The following ASB1 variants were observed in gnomAD, a reference collection of about 807,000 sequenced individuals.
The protein encoded by ASB1 is ankyrin repeat and SOCS box protein 1.
In ASB1, 18 loss-of-function variants were observed where a neutral mutation model predicts 27.7. The observed-to-expected ratio is 0.65, with a 90% CI of 0.45 to 0.96. The LOEUF (loss-of-function observed/expected upper bound fraction) is 0.96. Ranked by LOEUF, ASB1 falls within the 50% of genes least tolerant of loss-of-function variation. The pLI, the probability that ASB1 is intolerant of heterozygous loss-of-function variation, is 0.00. For synonymous variants in ASB1, 189 were observed against 187.6 expected (o/e 1.01, Z -0.06); for missense variants, 397 against 451.7 (o/e 0.88, Z 1.10).
In ASB1 at chr2:238,444,230, C is replaced by T. The variant is rs143703483; in HGVS notation, c.495-112C>T. 2.6e-5 allele frequency: 32 copies of T among 1,223,910 alleles called. No homozygotes were observed. The Middle Eastern group carries it at 1.0e-3, about 40-fold the overall frequency. 75.8% of individuals were successfully genotyped at this position (1,223,910 alleles called of 1,614,324 possible). A position where few individuals can be genotyped will look rare whatever the true frequency, so the allele number is the denominator to read the frequency against. ...TGGAGTCTCCTACAGCGCCTGGTGT[C>T]ACTGAATCAAGGCCTTCTGCTCAGG... On this transcript the variant is annotated intron_variant, in intron 3 of 4. Coordinates refer to ENST00000264607, the MANE Select transcript of ASB1 (RefSeq NM_001040445.3).
chr2:238,438,491 C>T (rs1353734505), intron 3 of ASB1, among the ~76,000 whole-genome samples: 5 of 152,098 alleles, frequency 3.3e-5, no homozygotes, highest in African/African-American at 4.8e-5. Context: ...TGAGCCACCG[C>T]GCCCGGCCAC....
intron 4 of ASB1, among the ~76,000 whole-genome samples, chr2:238,446,120 A>T (rs1313796757): frequency 6.6e-6 from 1 of 152,254 alleles, no homozygotes; most frequent in African/African-American, 2.4e-5. Flanking sequence ...GTTGTGATCC[A>T]GGGAGCAGAT....
In ASB1 at chr2:238,448,860, G is replaced by A. The variant is rs1239460332; in HGVS notation, c.*2349G>A. On this transcript the variant is annotated 3_prime_UTR_variant, in exon 5 of 5. Transcript: ENST00000264607. ...GCCCCTGGTCTCTCTAGGAGGAGTGGACTGAATGGATCGTTGCAGAGAAGA... is the reference window on the plus strand; with the variant it reads ...GCCCCTGGTCTCTCTAGGAGGAGTGAACTGAATGGATCGTTGCAGAGAAGA... The A allele has an allele frequency of 1.3e-5, 2 of 152,394 alleles. No individual in the cohort carries two copies. Among genetic ancestry groups the A allele is most frequent in the African/African-American group, 4.8e-5 (2 of 41,460 alleles). The allele number at this position is 152,394 out of a possible 1,614,324, so 9.4% of individuals were successfully genotyped here. A position where few individuals can be genotyped will look rare whatever the true frequency, so the allele number is the denominator to read the frequency against.
chr2:238,427,937 A>G (rs1214438665), intron 1 of ASB1, among the ~76,000 whole-genome samples: 2 of 152,212 alleles, frequency 1.3e-5, no homozygotes, highest in African/African-American at 4.8e-5. Context: ...CATTTCTTAA[A>G]CATCTTAAAA....
intron 4 of ASB1, among the ~76,000 whole-genome samples, 174 bp downstream of exon 4, chr2:238,444,901 A>ATATCAGG: frequency 6.6e-6 from 1 of 152,174 alleles, no homozygotes; most frequent in Non-Finnish European, 1.5e-5. Context: ...TAAATTCCTG[A>ATATCAGG]ATACCAAGAA....
In ASB1 at chr2:238,433,502, T is replaced by G. The variant is rs1559412672; in HGVS notation, c.50-52T>G. The stretch of plus-strand genomic sequence containing the variant: ...GCTGCAGATGGCACCCCCTTTTGGT[T>G]AGTCTTGGCAGGGCCTCCATGAGCT... On this transcript the variant is annotated intron_variant, in intron 1 of 4. Transcript: ENST00000264607. 4 of 1,595,036 alleles carry G rather than the reference T, an allele frequency of 2.5e-6. No individual in the cohort carries two copies. The Admixed American group carries it at 5.1e-5, about 20-fold the overall frequency.
At chr2:238,442,162 C>A (rs1222470069) in intron 3 of ASB1, among the ~76,000 whole-genome samples, 1 of 149,950 alleles carries the variant, frequency 6.7e-6, no homozygotes, top group African/African-American at 2.5e-5. Context: ...CGCTCTGTTG[C>A]CCAGGCTGGA....
At chr2:238,428,437 C>T (rs2106400759) in intron 1 of ASB1, among the ~76,000 whole-genome samples, 1 of 152,268 alleles carries the variant, frequency 6.6e-6, no homozygotes, top group South Asian at 2.1e-4. Flanking sequence ...ATTACAGGTG[C>T]TGGCATCATG....
At position 238,446,813 on chromosome 2, in the gene ASB1, C is replaced by T. The variant is rs472357; in HGVS notation, c.*302C>T. ...ACATGTAGGGGCTGAGGTTGGAGGC[C>T]TACTAATTTCCCTGTAGGGAAGACT... On this transcript the variant is annotated 3_prime_UTR_variant, in exon 5 of 5. Coordinates refer to ENST00000264607, the MANE Select transcript of ASB1 (RefSeq NM_001040445.3). 142,571 of 292,746 alleles carry T rather than the reference C, an allele frequency of 0.49. 38,815 individuals are homozygous for T. Among genetic ancestry groups the T allele is most frequent in the Middle Eastern group, 0.67 (655 of 984 alleles). The allele number at this position is 292,746 out of a possible 1,614,324, so 18.1% of individuals were successfully genotyped here. A position where few individuals can be genotyped will look rare whatever the true frequency, so the allele number is the denominator to read the frequency against.
chr2:238,444,566 T>C lies in ASB1; in HGVS notation c.719T>C (p.Met240Thr), dbSNP rs1322181418. The C allele has an allele frequency of 1.9e-6, 3 of 1,614,198 alleles. No individual in the cohort carries two copies. Among genetic ancestry groups the C allele is most frequent in the Non-Finnish European group, 2.5e-6 (3 of 1,180,042 alleles). The change falls in exon 4 of 5, where the codon ATG (methionine) becomes ACG (threonine). Residue 240 changes from methionine to threonine, a missense_variant. By Grantham distance (81) the Met-to-Thr change is moderately conservative. Transcript: ENST00000264607. ...GFYRGSPGCV[M>T]DAVLRHGCEA... ...TACAGGGGCTCCCCTGGGTGCGTCA[T>C]GGATGCTGTTCTGCGCCACGGCTGT...
chr2:238,446,351 C>T, intron 4 of ASB1, 33 bp from the exon 5 acceptor site: 1 of 1,558,914 alleles, frequency 6.4e-7, no homozygotes, highest in Non-Finnish European at 8.7e-7. Flanking sequence ...ATGAACCTTC[C>T]TCTATCCCTC....
chr2:238,441,022 T>C (rs1702068821), intron 3 of ASB1, among the ~76,000 whole-genome samples: 1 of 152,234 alleles, frequency 6.6e-6, no homozygotes, highest in African/African-American at 2.4e-5. Context: ...TGGTCTGTGC[T>C]AATCATGGGA....
intron 2 of ASB1, among the ~76,000 whole-genome samples, chr2:238,435,010 C>T: frequency 6.6e-6 from 1 of 152,134 alleles, no homozygotes; most frequent in African/African-American, 2.4e-5. Flanking sequence ...GTTTGGTGCT[C>T]TGGGCCTCTG....
intron 1 of ASB1, among the ~76,000 whole-genome samples, chr2:238,428,289 A>G (rs938545330): frequency 1.3e-5 from 2 of 152,226 alleles, no homozygotes; most frequent in Non-Finnish European, 2.9e-5. Flanking sequence ...TGTCGGCTGC[A>G]CAGGTCTCCT....
intron 3 of ASB1, among the ~76,000 whole-genome samples, chr2:238,437,882 A>G (rs1702002712): frequency 6.6e-6 from 1 of 152,186 alleles, no homozygotes; most frequent in Admixed American, 6.5e-5. Flanking sequence ...TTATAAATTA[A>G]ATAGCTACAC....
intron 1 of ASB1, 76 bp from the exon 2 acceptor site, chr2:238,433,478 C>T: frequency 1.9e-6 from 3 of 1,555,472 alleles, no homozygotes; most frequent in Non-Finnish European, 2.6e-6. Flanking sequence ...GGAAGGCTCG[C>T]TGCAGATGGC....
chr2:238,441,896 G>C (rs1258428155), intron 3 of ASB1, among the ~76,000 whole-genome samples: 1 of 152,196 alleles, frequency 6.6e-6, no homozygotes, highest in East Asian at 1.9e-4. Flanking sequence ...GCTAGCGATT[G>C]ACAGATTGCC....
At chr2:238,440,165 G>A (rs1026909434) in intron 3 of ASB1, among the ~76,000 whole-genome samples, 5 of 152,286 alleles carry the variant, frequency 3.3e-5, no homozygotes, top group African/African-American at 1.2e-4. Context: ...GACTGCCTCA[G>A]TCCTGGAATA....
rs1702256157 is a variant in ASB1 at position 238,450,201 on chromosome 2, G to A, written c.*3690G>A. On this transcript the variant is annotated 3_prime_UTR_variant, in exon 5 of 5. Transcript: ENST00000264607. ...AGATCCGGGCTGGACTGTGGACCCC[G>A]ATGGGCCAGAGTCCTTGTGGCCCAC... is the stretch of plus-strand genomic sequence containing the variant. 6.6e-6 allele frequency: 1 copy of A among 152,286 alleles called. No individual in the cohort carries two copies. The highest frequency in any genetic ancestry group is 2.1e-4 in the South Asian group (1 of 4,836). 9.4% of individuals were successfully genotyped at this position (152,286 alleles called of 1,614,324 possible). A position where few individuals can be genotyped will look rare whatever the true frequency, so the allele number is the denominator to read the frequency against.
Sources: gnomAD v4.1 joint callset for allele counts (sites outside exome capture counted in the v4.1 genomes callset) on GRCh38, gnomAD v4.1.1 for gene constraint, MANE v1.5 for transcripts, NCBI Gene and HGNC (gene_info 2026-07-23, HGNC 2026-07-21) for gene names.